NAV2: variants seen among roughly 807,000 people sequenced by gnomAD.
The protein encoded by NAV2 is neuron navigator 2.
NAV2 carries 54 observed loss-of-function variants against 223.2 expected under a neutral mutation model. The ratio of observed to expected loss-of-function variants is 0.24; its 90% CI spans 0.19 to 0.30. NAV2 has a LOEUF of 0.30. Among genes scored for constraint, NAV2 ranks in the 10% least tolerant of loss-of-function variants. NAV2 has a pLI of 1.00. For synonymous variants in NAV2, 1,279 were observed against 1,239.3 expected (o/e 1.03, Z -0.67); for missense variants, 2,806 against 3,147.5 (o/e 0.89, Z 2.60).
Position 20,056,699 on chromosome 11 carries a change from G to A in NAV2, c.4831+742G>A, listed in dbSNP as rs1396186356. ...ATGAAGATGGGGCTGATGGGACATT[G>A]GCGGCAATGCTCATTAACCAATGAT... On this transcript the variant is annotated intron_variant, in intron 19 of 37. Coordinates refer to ENST00000349880, the MANE Select transcript of NAV2 (RefSeq NM_145117.5). The A allele has an allele frequency of 3.1e-6, 3 of 980,292 alleles. No individual in the cohort carries two copies. The African/African-American group carries it at 4.8e-5, about 16-fold the overall frequency. 60.7% of individuals were successfully genotyped at this position (980,292 alleles called of 1,614,324 possible). A position where few individuals can be genotyped will look rare whatever the true frequency, so the allele number is the denominator to read the frequency against.
chr11:19,902,418 A>G (rs2042521059), intron 6 of NAV2, among the ~76,000 whole-genome samples: 1 of 152,134 alleles, frequency 6.6e-6, no homozygotes, highest in African/African-American at 2.4e-5. Flanking sequence ...ATACATTTCA[A>G]AACCAATGTG....
intron 1 of NAV2, among the ~76,000 whole-genome samples, chr11:19,791,900 A>G (rs1347410221): frequency 6.6e-6 from 1 of 152,084 alleles, no homozygotes; most frequent in Non-Finnish European, 1.5e-5. Flanking sequence ...GAGGGGCTAT[A>G]TGGTAGACAT....
intron 1 of NAV2, among the ~76,000 whole-genome samples, chr11:19,464,212 G>A (rs1413942982): frequency 6.6e-6 from 1 of 152,084 alleles, no homozygotes; most frequent in Non-Finnish European, 1.5e-5. Context: ...GGGACTGTTT[G>A]TTTAAAAAAA....
At chr11:20,102,245 G>T (rs1174798823) in intron 32 of NAV2, among the ~76,000 whole-genome samples, 1 of 152,094 alleles carries the variant, frequency 6.6e-6, no homozygotes, top group East Asian at 1.9e-4. Context: ...ACTTTAAAAG[G>T]TGGGCTTTTT....
At chr11:19,828,247 G>C (rs767641522) in intron 1 of NAV2, among the ~76,000 whole-genome samples, 3 of 152,116 alleles carry the variant, frequency 2.0e-5, no homozygotes, top group Non-Finnish European at 2.9e-5. Flanking sequence ...GTGGCATTAT[G>C]TACATTCATG....
At chr11:19,584,450 A>C (rs748478510) in intron 1 of NAV2, among the ~76,000 whole-genome samples, 1 of 151,894 alleles carries the variant, frequency 6.6e-6, no homozygotes, top group Non-Finnish European at 1.5e-5. Flanking sequence ...TTGCTTCTCT[A>C]GTTCTTTTCA....
chr11:20,117,402 C>G (rs998686473), intron 37 of NAV2, among the ~76,000 whole-genome samples: 1 of 152,150 alleles, frequency 6.6e-6, no homozygotes, highest in Non-Finnish European at 1.5e-5. Context: ...ATTTTATTCC[C>G]TACTTCAACC....
chr11:19,953,118 T>C (rs117369505), intron 10 of NAV2, among the ~76,000 whole-genome samples: 376 of 152,288 alleles, frequency 2.5e-3, no homozygotes, highest in Non-Finnish European at 3.7e-3. Flanking sequence ...AGACTCCACG[T>C]CCATATGTTT....
At chr11:19,601,166 C>A (rs2046340622) in intron 1 of NAV2, among the ~76,000 whole-genome samples, 1 of 152,182 alleles carries the variant, frequency 6.6e-6, no homozygotes, top group Non-Finnish European at 1.5e-5. Flanking sequence ...AGGACTGGCC[C>A]AGTGATCCCT....
chr11:19,940,161 G>A (rs886479460), intron 8 of NAV2, among the ~76,000 whole-genome samples: 5 of 151,890 alleles, frequency 3.3e-5, no homozygotes, highest in Admixed American at 6.6e-5. Flanking sequence ...AGTGGATTTC[G>A]TTCCTGTATG....
rs752246924 is a variant in NAV2, at chr11:19,949,013, G to A, written c.2578G>A (p.Ala860Thr). 4.3e-6 allele frequency: 7 copies of A among 1,613,614 alleles called. No homozygotes were observed. Among genetic ancestry groups the A allele is most frequent in the Non-Finnish European group, 5.1e-6 (6 of 1,179,760 alleles). Residue 860 changes from alanine to threonine, a missense_variant, in exon 10 of 38, where the codon GCC becomes ACC. Coordinates refer to ENST00000349880, the MANE Select transcript of NAV2 (RefSeq NM_145117.5). Reference sequence around the variant, plus strand: ...GGACCTGGAAGGCATCAGCATGGATGCCCCCGGCTACATGAGCGACGGGGA... The same window carrying A: ...GGACCTGGAAGGCATCAGCATGGATACCCCCGGCTACATGAGCGACGGGGA... ...EMDLEGISMD[A>T]PGYMSDGDVL...
intron 1 of NAV2, among the ~76,000 whole-genome samples, chr11:19,425,748 T>C (rs1850802276): frequency 6.6e-6 from 1 of 152,200 alleles, no homozygotes; most frequent in African/African-American, 2.4e-5. Flanking sequence ...TTAGTTCTGA[T>C]CTCTTTTTCA....
intron 11 of NAV2, among the ~76,000 whole-genome samples, chr11:19,988,038 C>T (rs1246220403): frequency 6.6e-6 from 1 of 152,222 alleles, no homozygotes; most frequent in Non-Finnish European, 1.5e-5. Flanking sequence ...CCAGTTCCTA[C>T]ATGCACTGCT....
chr11:19,708,029 C>T (rs2049724511), upstream of NAV2, among the ~76,000 whole-genome samples: 1 of 152,224 alleles, frequency 6.6e-6, no homozygotes, highest in African/African-American at 2.4e-5. Context: ...CACACTCTAG[C>T]TTCTGCAGGT....
chr11:19,641,043 G>A (rs1277502546), intron 1 of NAV2, among the ~76,000 whole-genome samples: 1 of 152,186 alleles, frequency 6.6e-6, no homozygotes, highest in Non-Finnish European at 1.5e-5. Context: ...GAGAGGCAGA[G>A]TTCAGCACCA....
At chr11:19,463,873 G>C (rs1590252812) in intron 1 of NAV2, among the ~76,000 whole-genome samples, 1 of 152,062 alleles carries the variant, frequency 6.6e-6, no homozygotes, top group Non-Finnish European at 1.5e-5. Context: ...TGGGCTGGGG[G>C]TCCTTCCTGG....
At chr11:19,939,812 T>C in intron 8 of NAV2, 39 bp downstream of exon 8, 2 of 1,498,812 alleles carry the variant, frequency 1.3e-6, no homozygotes, top group Admixed American at 1.7e-5. Flanking sequence ...CTGTTGGTGA[T>C]GAGGCCTTCC....
chr11:19,612,585 T>G (rs1342701421), intron 1 of NAV2, among the ~76,000 whole-genome samples: 1 of 152,162 alleles, frequency 6.6e-6, no homozygotes, highest in Non-Finnish European at 1.5e-5. Flanking sequence ...AGGGCAGGGG[T>G]AAAATGCCAC....
intron 1 of NAV2, among the ~76,000 whole-genome samples, chr11:19,626,049 T>G (rs1448187862): frequency 6.6e-6 from 1 of 152,166 alleles, no homozygotes; most frequent in Non-Finnish European, 1.5e-5. Context: ...TAATCCCATA[T>G]TTGTTTATTT....
Sources: allele counts gnomAD v4.1 joint callset (sites outside exome capture counted in the v4.1 genomes callset), GRCh38; gene constraint gnomAD v4.1.1; transcripts MANE v1.5; gene names NCBI Gene and HGNC (gene_info 2026-07-23, HGNC 2026-07-21).